The following MBNL1 variants were observed in gnomAD, a reference collection of about 807,000 sequenced individuals.
MBNL1 encodes muscleblind like splicing regulator 1, also known as muscleblind-like protein 1.
Under a neutral mutation model 42.2 loss-of-function variants are expected in MBNL1, and 8 were observed. The ratio of observed to expected loss-of-function variants is 0.19; its 90% CI spans 0.11 to 0.34. The LOEUF is 0.34. Ranked by LOEUF, MBNL1 falls within the 10% of genes least tolerant of loss-of-function variation. The pLI is 1.00. For synonymous variants in MBNL1, 169 were observed against 173.9 expected, an observed-to-expected ratio of 0.97 and a Z score of 0.22; for missense variants, 309 against 495.3, an observed-to-expected ratio of 0.62 and a Z score of 3.57.
At position 152,445,278 on chromosome 3, in the gene MBNL1, A is replaced by T. The variant is rs758484522; in HGVS notation, c.550-4A>T. 1.9e-6 allele frequency: 3 copies of T among 1,612,718 alleles called. No individual in the cohort carries two copies. The South Asian group carries it at 3.3e-5, about 18-fold the overall frequency. On this transcript the variant is annotated splice_polypyrimidine_tract_variant and splice_region_variant and intron_variant, in intron 4 of 9. Transcript: ENST00000324210. ...TAAACCTCATGTACTTAATGACCTCATAGGTATGTCGAGAGTACCAACGTG... is the reference window on the plus strand; with the variant it reads ...TAAACCTCATGTACTTAATGACCTCTTAGGTATGTCGAGAGTACCAACGTG...
At chr3:152,435,877 T>C (rs537342314) in intron 4 of MBNL1, among the ~76,000 whole-genome samples, 1 of 152,324 alleles carries the variant, frequency 6.6e-6, no homozygotes, top group South Asian at 2.1e-4. Flanking sequence ...TGCTACTGAT[T>C]TTTATACATT....
intron 1 of MBNL1, among the ~76,000 whole-genome samples, chr3:152,288,055 T>G (rs964445162): frequency 6.6e-6 from 1 of 152,228 alleles, no homozygotes; most frequent in African/African-American, 2.4e-5. Flanking sequence ...AAGCCTAACT[T>G]TATTTATACT....
At chr3:152,333,843 T>G (rs1475889427) in intron 2 of MBNL1, among the ~76,000 whole-genome samples, 2 of 152,160 alleles carry the variant, frequency 1.3e-5, no homozygotes, top group Non-Finnish European at 2.9e-5. Context: ...TAAATGAAAA[T>G]CAAAATTAGT....
At chr3:152,340,735 G>T (rs1375550496) in intron 2 of MBNL1, 2 of 1,614,072 alleles carry the variant, frequency 1.2e-6, no homozygotes, top group Non-Finnish European at 8.5e-7. Flanking sequence ...TGGATTCCGT[G>T]ATGGCTGAGA....
intron 2 of MBNL1, among the ~76,000 whole-genome samples, chr3:152,332,959 G>A (rs116378637): frequency 0.021 from 3,222 of 152,148 alleles, 109 homozygotes; most frequent in African/African-American, 0.07. Flanking sequence ...GTCCTCAAGA[G>A]CTAATTAAAG....
rs1474638723 is a variant in MBNL1 at position 152,401,588 on chromosome 3, G to A, written c.175-13353G>A. Among the ~76,000 whole-genome samples, 4 of 152,080 alleles carry A rather than the reference G, an allele frequency of 2.6e-5. No homozygotes were observed. In the East Asian group the frequency reaches 5.8e-4, roughly 22 times the overall value. On this transcript the variant is annotated intron_variant, in intron 2 of 9. Coordinates refer to ENST00000324210, the MANE Select transcript of MBNL1 (RefSeq NM_021038.5). ...AGGTACGGCTTGGGCAGGGAGTTTT[G>A]AGTACCTGCATAAGGTCATGTAGCT...
chr3:152,287,075 G>T (rs1334617781), intron 1 of MBNL1, among the ~76,000 whole-genome samples: 1 of 151,990 alleles, frequency 6.6e-6, no homozygotes, highest in Non-Finnish European at 1.5e-5. Context: ...AAAAGTAGCC[G>T]GGTGTGGTGG....
intron 3 of MBNL1, among the ~76,000 whole-genome samples, chr3:152,420,673 A>C (rs1426413701): frequency 1.3e-5 from 2 of 152,242 alleles, no homozygotes; most frequent in Non-Finnish European, 2.9e-5. Context: ...AACCAGCTCA[A>C]AAAGGCTGAA....
At chr3:152,443,789 G>T (rs1471630820) in intron 4 of MBNL1, among the ~76,000 whole-genome samples, 1 of 151,970 alleles carries the variant, frequency 6.6e-6, no homozygotes, top group African/African-American at 2.4e-5. Flanking sequence ...TCATTTTTGT[G>T]ATCTTAATAA....
chr3:152,411,003 C>T (rs758383109), intron 2 of MBNL1, among the ~76,000 whole-genome samples: 9 of 152,172 alleles, frequency 5.9e-5, no homozygotes, highest in South Asian at 2.1e-4. Context: ...CTGCCTATTA[C>T]GACAGGTGCC....
chr3:152,311,481 T>C (rs1263106695), intron 2 of MBNL1, among the ~76,000 whole-genome samples: 2 of 152,210 alleles, frequency 1.3e-5, no homozygotes, highest in African/African-American at 4.8e-5. Flanking sequence ...TCACCACCTC[T>C]TTGACAATGA....
chr3:152,458,657 A>G (rs1738682713), intron 8 of MBNL1: 1 of 162,274 alleles, frequency 6.2e-6, no homozygotes, highest in African/African-American at 2.4e-5. Context: ...AAATAAGTCA[A>G]CTCTATATTG....
chr3:152,254,898 T>C (rs2035227975), intron 2 of MBNL1, among the ~76,000 whole-genome samples: 1 of 152,090 alleles, frequency 6.6e-6, no homozygotes, highest in Non-Finnish European at 1.5e-5. Context: ...AATATAGAAG[T>C]TCAGAGAGGT....
chr3:152,304,207 T>C (rs1352741141), intron 2 of MBNL1, among the ~76,000 whole-genome samples: 1 of 152,136 alleles, frequency 6.6e-6, no homozygotes, highest in East Asian at 1.9e-4. Flanking sequence ...GGCAAACAAG[T>C]ATCCAGATGG....
intron 1 of MBNL1, among the ~76,000 whole-genome samples, chr3:152,290,630 T>C (rs1036359940): frequency 7.2e-5 from 11 of 152,240 alleles, no homozygotes; most frequent in Admixed American, 6.5e-4. Context: ...GCAGTGAACA[T>C]CATATTTTAA....
At chr3:152,460,428 A>G (rs1743236757) in intron 9 of MBNL1, among the ~76,000 whole-genome samples, 1 of 139,226 alleles carries the variant, frequency 7.2e-6, no homozygotes, top group East Asian at 2.2e-4. Context: ...AATGGTTTGA[A>G]AGTCTTGTAT....
intron 2 of MBNL1, among the ~76,000 whole-genome samples, chr3:152,339,192 C>CAAAA (rs2092365115): frequency 6.6e-6 from 1 of 151,962 alleles, no homozygotes; most frequent in Admixed American, 6.6e-5. Context: ...GCATTACTGT[C>CAAAA]CTTTGTCAAA....
chr3:152,431,071 G>C (rs552012923), intron 3 of MBNL1, among the ~76,000 whole-genome samples: 8 of 152,294 alleles, frequency 5.3e-5, no homozygotes, highest in African/African-American at 1.9e-4. Context: ...AATGCAAAGA[G>C]TTTGTTTCCC....
At chr3:152,318,312 C>T (rs746476650) in intron 2 of MBNL1, among the ~76,000 whole-genome samples, 27 of 152,108 alleles carry the variant, frequency 1.8e-4, no homozygotes, top group African/African-American at 5.1e-4. Context: ...ATTTATCTTA[C>T]GACAAAACTT....
Sources: allele counts gnomAD v4.1 joint callset (sites outside exome capture counted in the v4.1 genomes callset), GRCh38; gene constraint gnomAD v4.1.1; transcripts MANE v1.5; gene names NCBI Gene and HGNC (gene_info 2026-07-23, HGNC 2026-07-21).